Variants in TNS1 observed in about 807,000 individuals in gnomAD.
TNS1 encodes tensin-1.
In TNS1, 62 loss-of-function variants were observed where a neutral mutation model predicts 168.6. The ratio of observed to expected loss-of-function variants is 0.37; its 90% CI spans 0.30 to 0.45. The LOEUF (loss-of-function observed/expected upper bound fraction) is 0.45, where lower values mean the gene tolerates loss of function less well. TNS1 is among the 20% of genes least tolerant of loss of function. The pLI is 1.00. For missense variants in TNS1, 2,240 were observed against 2,339.4 expected (o/e 0.96, Z 0.88); for synonymous variants, 934 against 933.2 (o/e 1.00, Z -0.02).
chr2:217,813,856 C>T lies in TNS1; in HGVS notation c.4730-40G>A. Reference sequence around the variant, plus strand: ...GACAAGGAGAGAGGAGGAAGCAAGACCTCGGTGGCGCTAGTTTTACTTAAG... The same window carrying T: ...GACAAGGAGAGAGGAGGAAGCAAGATCTCGGTGGCGCTAGTTTTACTTAAG... On this transcript the variant is annotated intron_variant, in intron 25 of 32. Coordinates refer to ENST00000682258, the MANE Select transcript of TNS1 (RefSeq NM_001387777.1). This position sits in a 1 kb window ranked among gnomAD's most constrained non-coding sequence, Gnocchi z 4.0. 6.5e-7 allele frequency: 1 copy of T among 1,543,548 alleles called. No homozygotes were observed. Among genetic ancestry groups the T allele is most frequent in the African/African-American group, 1.4e-5 (1 of 72,150 alleles).
chr2:218,028,306 C>A (rs1188225112), intron 1 of TNS1, among the ~76,000 whole-genome samples: 1 of 152,264 alleles, frequency 6.6e-6, no homozygotes, highest in African/African-American at 2.4e-5. Flanking sequence ...CCCAGATGGG[C>A]CCAGGGGAGA....
chr2:217,942,486 G>A (rs1263643477), intron 3 of TNS1, among the ~76,000 whole-genome samples: 2 of 152,150 alleles, frequency 1.3e-5, no homozygotes, highest in Non-Finnish European at 2.9e-5. Context: ...GGCAAGGGGT[G>A]CCCCAGCTAT....
intron 1 of TNS1, among the ~76,000 whole-genome samples, chr2:218,016,790 A>C (rs917202323): frequency 1.3e-5 from 2 of 152,196 alleles, no homozygotes; most frequent in African/African-American, 4.8e-5. Context: ...AGCAAGCGCC[A>C]AGCCAGTGTG....
At position 217,848,182 on chromosome 2, in the gene TNS1, G is replaced by GCTT; in HGVS notation, c.2334_2335insAAG (p.Gln778_Gln779insLys). On this transcript the variant is annotated inframe_insertion, in exon 19 of 33. Transcript: ENST00000682258. ...GGGCGAGGCTGCTGCTGCTGCTGCT[G>GCTT]CTGCTGCTGCCACGAATTCAGTCCC... 1 of 1,604,642 alleles carries GCTT rather than the reference G, an allele frequency of 6.2e-7. No individual in the cohort carries two copies. Among genetic ancestry groups the GCTT allele is most frequent in the South Asian group, 1.1e-5 (1 of 89,276 alleles).
At chr2:217,829,637 T>C (rs1944121822) in intron 22 of TNS1, among the ~76,000 whole-genome samples, 1 of 152,148 alleles carries the variant, frequency 6.6e-6, no homozygotes, top group Admixed American at 6.5e-5. Flanking sequence ...AGCCAGCGCC[T>C]GGCAGCTACA....
Position 217,813,305 on chromosome 2 carries a change from C to G in TNS1, c.4864G>C (p.Asp1622His). 1 of 1,581,354 alleles carries G rather than the reference C, an allele frequency of 6.3e-7. No individual in the cohort carries two copies. Among genetic ancestry groups the G allele is most frequent in the African/African-American group, 1.3e-5 (1 of 74,252 alleles). ...PTIMQQNKKG[D>H]MTHELVRHFL... ...TGCCTGACCAGCTCATGGGTCATGT[C>G]TCCTGGGACAAAGAGAAAGAAATAA... Residue 1622 changes from aspartate (D) to histidine (H), a missense_variant and splice_region_variant, in exon 27 of 33, where the codon GAC becomes CAC. Asp to His is a moderately conservative substitution (Grantham distance 81, BLOSUM62 -1). Coordinates refer to ENST00000682258, the MANE Select transcript of TNS1 (RefSeq NM_001387777.1). This position sits in a 1 kb window ranked among gnomAD's most constrained non-coding sequence, Gnocchi z 4.0.
chr2:217,812,998 C>T (rs1486219207), intron 27 of TNS1, among the ~76,000 whole-genome samples: 1 of 152,214 alleles, frequency 6.6e-6, no homozygotes, highest in Non-Finnish European at 1.5e-5. Flanking sequence ...GATAACAAGT[C>T]CCAGCTGGGT....
chr2:217,998,711 G>T (rs1958511589), intron 1 of TNS1, among the ~76,000 whole-genome samples: 1 of 152,190 alleles, frequency 6.6e-6, no homozygotes, highest in Non-Finnish European at 1.5e-5. Flanking sequence ...TGTTGCTCGG[G>T]CCAGTCTTGA....
intron 32 of TNS1, among the ~76,000 whole-genome samples, chr2:217,807,837 T>G (rs1939464448): frequency 6.6e-6 from 1 of 152,218 alleles, no homozygotes; most frequent in Non-Finnish European, 1.5e-5. Flanking sequence ...CTGCTGCTTC[T>G]AACCCTGGGA....
rs184354775 is a variant in TNS1, at chr2:217,996,377, C to T, written c.34-5321G>A. Among the ~76,000 whole-genome samples the T allele has an allele frequency of 2.0e-4, 31 of 152,270 alleles. No homozygotes were observed. In the East Asian group the frequency reaches 5.8e-3, roughly 28 times the overall value. On this transcript the variant is annotated intron_variant, in intron 1 of 32. Coordinates refer to ENST00000682258, the MANE Select transcript of TNS1 (RefSeq NM_001387777.1). ...TTAGGCTGGGAGGCCTGGTGGGCAT[C>T]CAGCGTCGTTTATGTGGGGAAGGCT...
chr2:217,996,221 G>C (rs749295613), intron 1 of TNS1, among the ~76,000 whole-genome samples: 1 of 152,194 alleles, frequency 6.6e-6, no homozygotes, highest in Admixed American at 6.5e-5. Flanking sequence ...TGGATGATGT[G>C]GGGAGAGGGC....
chr2:217,856,848 A>G (rs918218227), intron 18 of TNS1, among the ~76,000 whole-genome samples: 1 of 152,166 alleles, frequency 6.6e-6, no homozygotes, highest in Non-Finnish European at 1.5e-5. Flanking sequence ...GAAAGTGAAC[A>G]GGAGAGAACA....
intron 19 of TNS1, among the ~76,000 whole-genome samples, chr2:217,846,687 C>A (rs539224757): frequency 6.6e-6 from 1 of 152,226 alleles, no homozygotes; most frequent in Non-Finnish European, 1.5e-5. Flanking sequence ...GGGAAGGGAA[C>A]CTCGCAGCTG....
intron 1 of TNS1, among the ~76,000 whole-genome samples, chr2:218,030,152 A>C (rs2106016354): frequency 6.6e-6 from 1 of 151,894 alleles, no homozygotes; most frequent in South Asian, 2.1e-4. Context: ...ATCCATATAC[A>C]CACAGCATGT....
intron 7 of TNS1, 101 bp downstream of exon 7, chr2:217,900,362 T>C (rs550092223): frequency 6.8e-5 from 92 of 1,359,932 alleles, no homozygotes; most frequent in Middle Eastern, 5.0e-4. Context: ...CGTGGCTTTA[T>C]GGCTGCAGTC....
intron 3 of TNS1, among the ~76,000 whole-genome samples, chr2:217,929,279 G>A (rs913501167): frequency 6.6e-6 from 1 of 152,170 alleles, no homozygotes; most frequent in Admixed American, 6.5e-5. Context: ...AAGGGTCCCG[G>A]CTCAGGGGCC....
In TNS1 at chr2:217,890,625, A is replaced by C. The variant is rs1951647745; in HGVS notation, c.866+337T>G. On this transcript the variant is annotated intron_variant, in intron 12 of 32. Coordinates refer to ENST00000682258, the MANE Select transcript of TNS1 (RefSeq NM_001387777.1). Reference sequence around the variant, plus strand: ...CTCCCGTAGACTCATCCAAGCACTGAAGCAATCCTGCTTCCAGGGCCAAGA... The same window carrying C: ...CTCCCGTAGACTCATCCAAGCACTGCAGCAATCCTGCTTCCAGGGCCAAGA... 9 of 354,974 alleles carry C rather than the reference A, an allele frequency of 2.5e-5. No individual in the cohort carries two copies. In the South Asian group the frequency reaches 3.0e-4, roughly 12 times the overall value. The allele number at this position is 354,974 out of a possible 1,614,324, so 22.0% of individuals were successfully genotyped here. A position where few individuals can be genotyped will look rare whatever the true frequency, so the allele number is the denominator to read the frequency against.
chr2:218,031,039 A>C (rs1224398564), intron 1 of TNS1, among the ~76,000 whole-genome samples: 1 of 147,880 alleles, frequency 6.8e-6, no homozygotes, highest in Non-Finnish European at 1.5e-5. Flanking sequence ...TGTGTATGTG[A>C]GTGAGCATGT....
chr2:217,897,807 G>T lies in TNS1; in HGVS notation c.534C>A (p.Gly178=). 2 of 1,601,752 alleles carry T rather than the reference G, an allele frequency of 1.2e-6. No individual in the cohort carries two copies. Among genetic ancestry groups the T allele is most frequent in the Non-Finnish European group, 1.7e-6 (2 of 1,173,936 alleles). Residue 178 remains glycine, a synonymous_variant, in exon 8 of 33, where the codon GGC becomes GGA. Coordinates refer to ENST00000682258, the MANE Select transcript of TNS1 (RefSeq NM_001387777.1). The stretch of plus-strand genomic sequence containing the variant: ...GAGGATCCATCCTCACCAGGTAGTT[G>T]CCTCCATGTTTGGACTTGAGCATCT... ...VAQMLKSKHG[G]NYLLFNLSER... is the part of the protein sequence containing the mutation.
Sources: gnomAD v4.1 joint callset for allele counts (sites outside exome capture counted in the v4.1 genomes callset) on GRCh38, gnomAD v4.1.1 for gene constraint, Gnocchi (gnomAD v3.1) non-coding constraint, MANE v1.5 for transcripts, NCBI Gene and HGNC (gene_info 2026-07-23, HGNC 2026-07-21) for gene names.